The following AP3S1 variants were observed in gnomAD, a reference collection of about 807,000 sequenced individuals.
The protein encoded by AP3S1 is adaptor related protein complex 3 subunit sigma 1, also known as AP-3 complex subunit sigma-1.
AP3S1 carries 12 observed loss-of-function variants against 21.3 expected under a neutral mutation model. The observed-to-expected ratio is 0.56, with a 90% CI of 0.36 to 0.91. The LOEUF is 0.91. Among genes scored for constraint, AP3S1 ranks in the 40% least tolerant of loss-of-function variants. AP3S1 has a pLI of 0.01. For synonymous variants in AP3S1, 48 were observed against 78.4 expected, an observed-to-expected ratio of 0.61 and a Z score of 2.05; for missense variants, 116 against 225.0, an observed-to-expected ratio of 0.52 and a Z score of 3.10.
chr5:115,880,723 G>A (rs1180985012), intron 3 of AP3S1, among the ~76,000 whole-genome samples: 2 of 152,138 alleles, frequency 1.3e-5, no homozygotes, highest in Non-Finnish European at 2.9e-5. Context: ...GGTCCACTTG[G>A]TCCACAGCTG....
In AP3S1 at chr5:115,841,962, C is replaced by CGAGATTAA; in HGVS notation, c.-69_-68insAGAGATTA. The stretch of plus-strand genomic sequence containing the variant: ...GGGGCGGGTGGGGAAGGATCGCAGG[C>CGAGATTAA]GAGATTACGAGGCGAGGCTCGCGCG... On this transcript the variant is annotated 5_prime_UTR_variant, in exon 1 of 6. Coordinates refer to ENST00000316788, the MANE Select transcript of AP3S1 (RefSeq NM_001284.4). 1 of 1,514,732 alleles carries CGAGATTAA rather than the reference C, an allele frequency of 6.6e-7. No individual in the cohort carries two copies. Among genetic ancestry groups the CGAGATTAA allele is most frequent in the Non-Finnish European group, 8.9e-7 (1 of 1,127,082 alleles). The allele number at this position is 1,514,732 out of a possible 1,614,324, so 93.8% of individuals were successfully genotyped here. A position where few individuals can be genotyped will look rare whatever the true frequency, so the allele number is the denominator to read the frequency against.
At chr5:115,844,272 CAG>C (rs746906543) in intron 1 of AP3S1, among the ~76,000 whole-genome samples, 7 of 152,040 alleles carry the variant, frequency 4.6e-5, no homozygotes, top group Non-Finnish European at 8.8e-5. Context: ...TGAAGATGAA[CAG>C]ATAACTTTCG....
chr5:115,909,902 A>C (rs1751959229), intron 5 of AP3S1, among the ~76,000 whole-genome samples: 1 of 152,194 alleles, frequency 6.6e-6, no homozygotes, highest in Non-Finnish European at 1.5e-5. Flanking sequence ...TTTAATTTAT[A>C]AAATAGGCAC....
intron 5 of AP3S1, among the ~76,000 whole-genome samples, chr5:115,910,179 C>G (rs538135902): frequency 1.3e-5 from 2 of 150,568 alleles, no homozygotes; most frequent in Admixed American, 1.3e-4. Context: ...ATGGGAAGAT[C>G]ACTTGAGCCC....
At chr5:115,846,555 GTTT>G (rs760506831) in intron 1 of AP3S1, among the ~76,000 whole-genome samples, 1 of 128,028 alleles carries the variant, frequency 7.8e-6, no homozygotes, top group Non-Finnish European at 1.7e-5. Context: ...CTTCTTTCTC[GTTT>G]TTTTTTTTTT....
intron 3 of AP3S1, among the ~76,000 whole-genome samples, chr5:115,893,447 A>C (rs1750489906): frequency 6.6e-6 from 1 of 152,208 alleles, no homozygotes; most frequent in African/African-American, 2.4e-5. Context: ...AATATGTGTT[A>C]ATCAACTATG....
intron 3 of AP3S1, among the ~76,000 whole-genome samples, chr5:115,885,672 C>T (rs1415954495): frequency 6.6e-6 from 1 of 152,224 alleles, no homozygotes; most frequent in Non-Finnish European, 1.5e-5. Context: ...CCCTCAAAGA[C>T]ACACCCAGAA....
At chr5:115,858,281 C>T (rs1314881023) in intron 1 of AP3S1, among the ~76,000 whole-genome samples, 1 of 152,182 alleles carries the variant, frequency 6.6e-6, no homozygotes, top group African/African-American at 2.4e-5. Flanking sequence ...TATTATGACT[C>T]CACATTGACT....
chr5:115,857,163 G>C (rs1348207753), intron 1 of AP3S1, among the ~76,000 whole-genome samples: 1 of 152,176 alleles, frequency 6.6e-6, no homozygotes, highest in Non-Finnish European at 1.5e-5. Flanking sequence ...ATATAATACA[G>C]AAAGATAACA....
At chr5:115,852,497 TTAAAG>T (rs1344643322) in intron 1 of AP3S1, among the ~76,000 whole-genome samples, 6 of 152,122 alleles carry the variant, frequency 3.9e-5, no homozygotes, top group African/African-American at 1.4e-4. Context: ...ATTCACCCAT[TTAAAG>T]TATATAATAC....
chr5:115,858,545 A>C (rs1762950760), intron 1 of AP3S1, among the ~76,000 whole-genome samples: 1 of 152,068 alleles, frequency 6.6e-6, no homozygotes, highest in Non-Finnish European at 1.5e-5. Context: ...TTGGTCGTAG[A>C]AACTTTTGAC....
At position 115,913,417 on chromosome 5, in the gene AP3S1, T is replaced by A. The variant is rs1255033625; in HGVS notation, c.509T>A (p.Leu170His). The A allele has an allele frequency of 1.9e-6, 3 of 1,613,870 alleles. No individual in the cohort carries two copies. Among genetic ancestry groups the A allele is most frequent in the African/African-American group, 1.3e-5 (1 of 74,956 alleles). Residue 170 changes from leucine to histidine, a missense_variant, in exon 6 of 6, where the codon CTT (leucine) becomes CAT (histidine). Transcript: ENST00000316788. ...GTATCAGCTGTAAAGAATATGAATCTTCCTGAGATCCCAAGAAATATTAAC... is the reference window on the plus strand; with the variant it reads ...GTATCAGCTGTAAAGAATATGAATCATCCTGAGATCCCAAGAAATATTAAC... Reference protein sequence around the residue: ...RAVSAVKNMNLPEIPRNINIG... With the variant: ...RAVSAVKNMNHPEIPRNINIG...
chr5:115,863,769 A>G (rs1479369040), intron 1 of AP3S1, among the ~76,000 whole-genome samples: 7 of 152,322 alleles, frequency 4.6e-5, no homozygotes, highest in Non-Finnish European at 8.8e-5. Context: ...ATATGATAAC[A>G]TAAAGCATAA....
rs563887371 is a variant in AP3S1 at position 115,846,607 on chromosome 5, A to G, written c.69+4501A>G. On this transcript the variant is annotated intron_variant, in intron 1 of 5. Transcript: ENST00000316788. ...CATAAAAATACAAAGTGTTGAAAGT[A>G]TAGATAACTTCTTTTTTCTTTTAAA... 4.0e-5 allele frequency among the ~76,000 whole-genome samples: 6 copies of G among 149,808 alleles called. No individual in the cohort carries two copies. The East Asian group carries it at 1.2e-3, about 29-fold the overall frequency.
At chr5:115,912,685 C>T (rs1487947105) in intron 5 of AP3S1, among the ~76,000 whole-genome samples, 1 of 151,856 alleles carries the variant, frequency 6.6e-6, no homozygotes, top group Admixed American at 6.6e-5. Context: ...CATTTTTAAT[C>T]GTTATATTTT....
intron 1 of AP3S1, among the ~76,000 whole-genome samples, chr5:115,850,007 G>T (rs1308304592): frequency 6.6e-6 from 1 of 152,194 alleles, no homozygotes; most frequent in African/African-American, 2.4e-5. Flanking sequence ...TGAAGTAACA[G>T]AACTCAAGAA....
intron 3 of AP3S1, among the ~76,000 whole-genome samples, chr5:115,882,477 G>A (rs1433766117): frequency 6.6e-6 from 1 of 152,114 alleles, no homozygotes; most frequent in Non-Finnish European, 1.5e-5. Flanking sequence ...GTCTTCTGGA[G>A]CTTGCTGGAG....
chr5:115,853,071 A>G (rs1762555441), intron 1 of AP3S1: 3 of 445,104 alleles, frequency 6.7e-6, no homozygotes, highest in African/African-American at 6.0e-5. Flanking sequence ...AAGTGACTGT[A>G]CCATTTTACA....
intron 1 of AP3S1, among the ~76,000 whole-genome samples, chr5:115,860,163 A>C (rs909286131): frequency 2.0e-5 from 3 of 152,226 alleles, no homozygotes; most frequent in African/African-American, 7.2e-5. Context: ...AGCCAGCGGC[A>C]TAGCAGTATA....
Sources: allele counts gnomAD v4.1 joint callset (sites outside exome capture counted in the v4.1 genomes callset), GRCh38; gene constraint gnomAD v4.1.1; transcripts MANE v1.5; gene names NCBI Gene and HGNC (gene_info 2026-07-23, HGNC 2026-07-21).